The following DOCK8 variants were observed in gnomAD, a reference collection of about 807,000 sequenced individuals.
DOCK8 encodes dedicator of cytokinesis 8.
A neutral mutation model predicts 245.6 loss-of-function variants in DOCK8; 141 were observed. The ratio of observed to expected loss-of-function variants is 0.57; its 90% CI spans 0.50 to 0.66. The LOEUF (loss-of-function observed/expected upper bound fraction) is 0.66, where lower values mean the gene tolerates loss of function less well. Among genes scored for constraint, DOCK8 ranks in the 30% least tolerant of loss-of-function variants. The probability of loss-of-function intolerance (pLI) is 0.00; values close to 1 mark genes in which losing one functional copy is unlikely to be tolerated. For synonymous variants in DOCK8, 1,168 were observed against 970.2 expected (o/e 1.20, Z -3.79); for missense variants, 2,965 against 2,603.4 (o/e 1.14, Z -3.02).
chr9:263,463 T>G (rs1652717249), intron 1 of DOCK8, among the ~76,000 whole-genome samples: 1 of 152,236 alleles, frequency 6.6e-6, no homozygotes, highest in African/African-American at 2.4e-5. Flanking sequence ...ATGTATATTT[T>G]AAACTTCACA....
chr9:386,473 G>A, intron 23 of DOCK8, 47 bp downstream of exon 23: 5 of 1,545,952 alleles, frequency 3.2e-6, no homozygotes, highest in Non-Finnish European at 3.6e-6. Flanking sequence ...AAGAACAGAA[G>A]GATTTCCTCA....
At chr9:414,177 A>C (rs542381321) in intron 28 of DOCK8, among the ~76,000 whole-genome samples, 1 of 152,298 alleles carries the variant, frequency 6.6e-6, no homozygotes, top group Non-Finnish European at 1.5e-5. Flanking sequence ...CAAGCCAGCA[A>C]ATGTACTCTG....
chr9:258,571 T>A (rs1193816344), intron 1 of DOCK8, among the ~76,000 whole-genome samples: 1 of 150,098 alleles, frequency 6.7e-6, no homozygotes, highest in African/African-American at 2.5e-5. Context: ...ATGGTAATGA[T>A]GAAAGGAGCC....
At chr9:316,225 T>C (rs1037911419) in intron 6 of DOCK8, among the ~76,000 whole-genome samples, 1 of 152,208 alleles carries the variant, frequency 6.6e-6, no homozygotes, top group Admixed American at 6.5e-5. Context: ...TTTGGACCCT[T>C]GCGATGGGCA....
intron 3 of DOCK8, among the ~76,000 whole-genome samples, chr9:289,300 C>CA (rs2048944400): frequency 6.6e-6 from 1 of 151,984 alleles, no homozygotes; most frequent in Non-Finnish European, 1.5e-5. Flanking sequence ...ACCCACAAAG[C>CA]AAAAAAATGC....
chr9:352,050 T>TGCAGCA (rs1292949546), intron 14 of DOCK8, among the ~76,000 whole-genome samples: 1 of 152,126 alleles, frequency 6.6e-6, no homozygotes, highest in Non-Finnish European at 1.5e-5. Context: ...AAGTGGAGAA[T>TGCAGCA]GCAGCAGCAG....
At position 395,262 on chromosome 9, in the gene DOCK8, TA is replaced by T. The variant is rs1165328853; in HGVS notation, c.2971-1522del. Among the ~76,000 whole-genome samples, 4 of 152,250 alleles carry T rather than the reference TA, an allele frequency of 2.6e-5. 1 individual carries two copies. The highest frequency in any genetic ancestry group is 9.6e-5 in the African/African-American group (4 of 41,562). ...ACTGAGCTTTAGGGTTTGATGTCCTTAGGTCTTCCCTGAGCTGGCCATGGCG... is the reference window on the plus strand; with the variant it reads ...ACTGAGCTTTAGGGTTTGATGTCCTTGGTCTTCCCTGAGCTGGCCATGGCG... On this transcript the variant is annotated intron_variant, in intron 24 of 47. Transcript: ENST00000432829.
intron 14 of DOCK8, among the ~76,000 whole-genome samples, chr9:362,160 G>C (rs2052760632): frequency 6.6e-6 from 1 of 152,176 alleles, no homozygotes; most frequent in Admixed American, 6.5e-5. Context: ...CTCCTTGGCA[G>C]ATGTGGGTAT....
At chr9:266,683 C>A (rs1283920719) in intron 1 of DOCK8, among the ~76,000 whole-genome samples, 1 of 152,180 alleles carries the variant, frequency 6.6e-6, no homozygotes, top group East Asian at 1.9e-4. Flanking sequence ...AAACATAGAG[C>A]TTCTCTACCC....
chr9:341,495 A>T (rs2051588121), intron 14 of DOCK8, among the ~76,000 whole-genome samples: 1 of 152,212 alleles, frequency 6.6e-6, no homozygotes, highest in Non-Finnish European at 1.5e-5. Flanking sequence ...TATAAAAGAA[A>T]TACAGTGGTA....
rs375023413 is a variant in DOCK8 at position 452,032 on chromosome 9, G to A, written c.5983G>A (p.Val1995Met). 5.1e-6 allele frequency: 8 copies of A among 1,580,350 alleles called. No homozygotes were observed. The highest frequency in any genetic ancestry group is 6.9e-6 in the Non-Finnish European group (8 of 1,163,076). ...VNQGPLEVAQ[V>M]FLAEIPADPK... ...CCAGGGACCACTGGAAGTAGCCCAAGTGTTTTTGGCTGAAATTCCTGCTGA... is the reference window on the plus strand; with the variant it reads ...CCAGGGACCACTGGAAGTAGCCCAAATGTTTTTGGCTGAAATTCCTGCTGA... The change falls in exon 46 of 48, where the codon GTG becomes ATG. Residue 1995 changes from valine (V) to methionine (M), a missense_variant. Physicochemically the swap from Val to Met is conservative, Grantham distance 21. Coordinates refer to ENST00000432829, the MANE Select transcript of DOCK8 (RefSeq NM_203447.4).
intron 1 of DOCK8, among the ~76,000 whole-genome samples, chr9:244,190 A>G (rs1188524183): frequency 7.1e-6 from 1 of 141,520 alleles, no homozygotes; most frequent in African/African-American, 2.8e-5. Flanking sequence ...TCCGTCTGAA[A>G]AAAAAAAAAA....
chr9:449,746 C>A (rs1317316084), intron 44 of DOCK8, 38 bp from the exon 45 acceptor site: 2 of 1,611,818 alleles, frequency 1.2e-6, no homozygotes, highest in Non-Finnish European at 1.7e-6. Context: ...CTTATGAGAC[C>A]AGACAGTGAC....
At chr9:432,351 A>T (rs750695762) in intron 37 of DOCK8, 27 bp downstream of exon 37, 35 of 1,608,824 alleles carry the variant, frequency 2.2e-5, no homozygotes, top group South Asian at 1.1e-5. Context: ...ACCTTGTCTC[A>T]TGCATGAGTT....
intron 12 of DOCK8, 80 bp downstream of exon 12, chr9:336,798 A>C: frequency 6.4e-7 from 1 of 1,554,670 alleles, no homozygotes; most frequent in Admixed American, 1.7e-5. Context: ...GAGGATACGT[A>C]GTGATTAAGA....
chr9:285,996 T>A (rs888520794), intron 2 of DOCK8, among the ~76,000 whole-genome samples: 3 of 152,158 alleles, frequency 2.0e-5, no homozygotes, highest in African/African-American at 7.2e-5. Context: ...ATAGCATAAC[T>A]TAGGCCAAAA....
intron 22 of DOCK8, among the ~76,000 whole-genome samples, chr9:384,718 C>T (rs573374045): frequency 5.9e-5 from 9 of 152,266 alleles, no homozygotes; most frequent in African/African-American, 2.2e-4. Flanking sequence ...AGATCGAGAC[C>T]ATCCTGGCTA....
chr9:392,251 G>A (rs2054234329), intron 24 of DOCK8, among the ~76,000 whole-genome samples: 1 of 151,998 alleles, frequency 6.6e-6, no homozygotes. Flanking sequence ...TGAACAATAG[G>A]ACACAGAGAA....
chr9:442,783 A>G (rs2057133777), intron 42 of DOCK8, among the ~76,000 whole-genome samples: 1 of 151,398 alleles, frequency 6.6e-6, no homozygotes. Flanking sequence ...ACAATTAACC[A>G]AAGATTCACT....
Sources: gnomAD v4.1 joint callset for allele counts (sites outside exome capture counted in the v4.1 genomes callset) on GRCh38, gnomAD v4.1.1 for gene constraint, MANE v1.5 for transcripts, NCBI Gene and HGNC (gene_info 2026-07-23, HGNC 2026-07-21) for gene names.